The following CWF19L2 variants were observed in gnomAD, a reference collection of about 807,000 sequenced individuals.
The protein encoded by CWF19L2 is CWF19 like cell cycle control factor 2.
CWF19L2 carries 98 observed loss-of-function variants against 111.7 expected under a neutral mutation model. The observed-to-expected ratio is 0.88, with a 90% CI of 0.75 to 1.04. The LOEUF (loss-of-function observed/expected upper bound fraction) is 1.04, where lower values mean the gene tolerates loss of function less well. Ranked by LOEUF, CWF19L2 falls within the 50% of genes least tolerant of loss-of-function variation. The pLI, the probability that CWF19L2 is intolerant of heterozygous loss-of-function variation, is 0.00. For missense variants in CWF19L2, 1,101 were observed against 1,051.4 expected (o/e 1.05, Z -0.65); for synonymous variants, 351 against 342.9 (o/e 1.02, Z -0.26).
intron 1 of CWF19L2, among the ~76,000 whole-genome samples, chr11:107,456,988 A>T (rs759794802): frequency 1.3e-5 from 2 of 152,184 alleles, no homozygotes; most frequent in Non-Finnish European, 2.9e-5. Flanking sequence ...AAACTCTTCC[A>T]ACTTAAATAA....
At position 107,326,753 on chromosome 11, in the gene CWF19L2, A is replaced by C. The variant is rs185716830; in HGVS notation, c.*157T>G. The C allele has an allele frequency of 5.3e-4, 272 of 515,994 alleles. 5 individuals are homozygous for C. In the Admixed American group the frequency reaches 9.7e-3, roughly 18 times the overall value. The allele number at this position is 515,994 out of a possible 1,614,324, so 32.0% of individuals were successfully genotyped here. On this transcript the variant is annotated 3_prime_UTR_variant, in exon 18 of 18. Coordinates refer to ENST00000282251, the MANE Select transcript of CWF19L2 (RefSeq NM_152434.3). ...TAGATAGGAGCAGGTGAAGAAGAAA[A>C]CAACACAATCTCCTGATGTACAGTT...
intron 13 of CWF19L2, among the ~76,000 whole-genome samples, chr11:107,349,752 A>G (rs1860131811): frequency 6.6e-6 from 1 of 152,130 alleles, no homozygotes; most frequent in Admixed American, 6.5e-5. Context: ...GACATTATTT[A>G]TTTAATAGAA....
At chr11:107,360,356 T>C (rs910069753) in intron 12 of CWF19L2, among the ~76,000 whole-genome samples, 4 of 152,256 alleles carry the variant, frequency 2.6e-5, no homozygotes, top group Non-Finnish European at 5.9e-5. Context: ...ATTGTGTATA[T>C]ATACCACACT....
chr11:107,364,884 A>G (rs1241142044), intron 12 of CWF19L2, among the ~76,000 whole-genome samples: 2 of 68,988 alleles, frequency 2.9e-5, no homozygotes, highest in East Asian at 3.5e-4. Context: ...TGAATCCAGG[A>G]GCTGGTTTTT....
chr11:107,342,059 A>G (rs962659090), intron 14 of CWF19L2, among the ~76,000 whole-genome samples: 1 of 151,084 alleles, frequency 6.6e-6, no homozygotes, highest in African/African-American at 2.4e-5. Flanking sequence ...AATTTCATTG[A>G]TTTCTGCTCT....
intron 13 of CWF19L2, 137 bp from the exon 14 acceptor site, chr11:107,349,190 C>T: frequency 2.5e-6 from 1 of 393,072 alleles, no homozygotes; most frequent in Non-Finnish European, 4.7e-6. Context: ...ATGAAGAATA[C>T]TTAAGAATTG....
At chr11:107,403,668 C>T (rs1861038948) in intron 10 of CWF19L2, 10 of 777,994 alleles carry the variant, frequency 1.3e-5, no homozygotes, top group Non-Finnish European at 2.4e-5. Context: ...GGTGCTTGTT[C>T]TTCCTCAGGA....
chr11:107,428,777 A>AACCTAAT lies in CWF19L2; in HGVS notation c.1433+21_1433+22insATTAGGT, dbSNP rs769699390. On this transcript the variant is annotated intron_variant, in intron 8 of 17. Transcript: ENST00000282251. Reference sequence around the variant, plus strand: ...TGAACTCTCTGGATCTTAACTTATTAGGTTAAAAAATGATAAAATACCCAG... The same window carrying AACCTAAT: ...TGAACTCTCTGGATCTTAACTTATTAACCTAATGGTTAAAAAATGATAAAATACCCAG... The AACCTAAT allele has an allele frequency of 1.2e-5, 18 of 1,554,830 alleles. No homozygotes were observed. In the Admixed American group the frequency reaches 1.3e-4, roughly 11 times the overall value.
chr11:107,450,912 G>A (rs1861769390), intron 3 of CWF19L2, among the ~76,000 whole-genome samples: 1 of 152,074 alleles, frequency 6.6e-6, no homozygotes, highest in South Asian at 2.1e-4. Flanking sequence ...ACAATTAAGA[G>A]ATTTCAATAC....
At chr11:107,370,609 C>A (rs1344883356) in intron 12 of CWF19L2, among the ~76,000 whole-genome samples, 1 of 135,160 alleles carries the variant, frequency 7.4e-6, no homozygotes, top group East Asian at 2.1e-4. Flanking sequence ...GGTCGAGTCA[C>A]AGAATTGAGA....
At chr11:107,390,585 A>G (rs926298091) in intron 11 of CWF19L2, among the ~76,000 whole-genome samples, 1 of 152,238 alleles carries the variant, frequency 6.6e-6, no homozygotes, top group African/African-American at 2.4e-5. Flanking sequence ...GAGTAAGTAT[A>G]TCAAAAACAG....
chr11:107,335,606 A>C (rs929611863), intron 15 of CWF19L2, among the ~76,000 whole-genome samples: 2 of 152,196 alleles, frequency 1.3e-5, no homozygotes, highest in African/African-American at 4.8e-5. Flanking sequence ...TTTGTAATTT[A>C]AAAAATAAGA....
At chr11:107,344,558 C>A (rs988380695) in intron 14 of CWF19L2, among the ~76,000 whole-genome samples, 3 of 152,182 alleles carry the variant, frequency 2.0e-5, no homozygotes, top group African/African-American at 7.2e-5. Flanking sequence ...TCCTTCTGGT[C>A]TCCATGGTTT....
At chr11:107,411,048 ATGCTTTTATAAGAGTGTGGTGTGTGTGTG>A (rs1469214645) in intron 10 of CWF19L2, among the ~76,000 whole-genome samples, 3 of 151,100 alleles carry the variant, frequency 2.0e-5, no homozygotes, top group Admixed American at 6.6e-5. Context: ...GCTTAGGTCT[ATGCTTTTATAAGAGTGTGGTGTGTGTGTG>A]CGCGCGTGCG....
intron 10 of CWF19L2, among the ~76,000 whole-genome samples, chr11:107,411,508 C>T (rs1321446828): frequency 6.6e-6 from 1 of 151,880 alleles, no homozygotes; most frequent in African/African-American, 2.4e-5. Context: ...AGTGAATAAG[C>T]TATACAAAAC....
chr11:107,426,263 CAT>C (rs1354529809), intron 8 of CWF19L2, among the ~76,000 whole-genome samples: 24 of 151,702 alleles, frequency 1.6e-4, no homozygotes, highest in Non-Finnish European at 3.2e-4. Context: ...AAACTTCACT[CAT>C]ATTTAAAAAA....
intron 12 of CWF19L2, among the ~76,000 whole-genome samples, chr11:107,356,677 C>T (rs1014469573): frequency 1.3e-5 from 2 of 152,142 alleles, no homozygotes; most frequent in Non-Finnish European, 2.9e-5. Context: ...CAACTACATG[C>T]CAGATAGTAA....
intron 8 of CWF19L2, among the ~76,000 whole-genome samples, chr11:107,419,171 C>G (rs1049650445): frequency 6.6e-6 from 1 of 152,168 alleles, no homozygotes; most frequent in Non-Finnish European, 1.5e-5. Flanking sequence ...TATCCAGTCC[C>G]ACTAGCTAGA....
intron 12 of CWF19L2, among the ~76,000 whole-genome samples, chr11:107,376,135 GAA>G (rs1860596184): frequency 7.7e-6 from 1 of 130,482 alleles, no homozygotes; most frequent in South Asian, 2.6e-4. Context: ...GCTTACCAAT[GAA>G]AAAGAGTCCA....
Sources: allele counts gnomAD v4.1 joint callset (sites outside exome capture counted in the v4.1 genomes callset), GRCh38; gene constraint gnomAD v4.1.1; transcripts MANE v1.5; gene names NCBI Gene and HGNC (gene_info 2026-07-23, HGNC 2026-07-21).